Variants in VWA5B1 observed in about 807,000 individuals in gnomAD.
VWA5B1 encodes the protein von Willebrand factor A domain-containing protein 5B1.
A neutral mutation model predicts 118.2 loss-of-function variants in VWA5B1; 115 were observed. That is an observed-to-expected ratio of 0.97 (90% CI 0.84 to 1.14). The LOEUF (loss-of-function observed/expected upper bound fraction) is 1.14. Among genes scored for constraint, VWA5B1 ranks in the 50% most tolerant of loss-of-function variants. The probability of loss-of-function intolerance (pLI) is 0.00; values close to 1 mark genes in which losing one functional copy is unlikely to be tolerated. For missense variants in VWA5B1, 1,596 were observed against 1,603.8 expected (o/e 1.00, Z 0.08); for synonymous variants, 682 against 658.4 (o/e 1.04, Z -0.55).
chr1:20,327,948 G>A lies in VWA5B1; in HGVS notation c.1202G>A (p.Gly401Glu). The change falls in exon 9 of 22, where the codon GGG becomes GAG. Residue 401 changes from glycine to glutamate, a missense_variant. Transcript: ENST00000289815. ...LMPACLFNII[G>E]FGSTFKSLFP... The stretch of plus-strand genomic sequence containing the variant: ...CCAGCCTGCCTCTTCAATATCATTG[G>A]GTTTGGATCCACATTTAAGAGCCTT... 1 of 1,551,568 alleles carries A rather than the reference G, an allele frequency of 6.4e-7. No individual in the cohort carries two copies. The highest frequency in any genetic ancestry group is 8.7e-7 in the Non-Finnish European group (1 of 1,147,004).
rs558317313 is a variant in VWA5B1 at position 20,342,577 on chromosome 1, G to T, written c.2279G>T (p.Arg760Leu). 6.6e-7 allele frequency: 1 copy of T among 1,514,484 alleles called. No individual in the cohort carries two copies. Among genetic ancestry groups the T allele is most frequent in the Non-Finnish European group, 8.8e-7 (1 of 1,131,616 alleles). The allele number at this position is 1,514,484 out of a possible 1,614,324, so 93.8% of individuals were successfully genotyped here. A position where few individuals can be genotyped will look rare whatever the true frequency, so the allele number is the denominator to read the frequency against. The change falls in exon 15 of 22, where the codon CGG becomes CTG. Residue 760 changes from arginine to leucine, a missense_variant. By Grantham distance (102) the Arg-to-Leu change is moderately radical. Transcript: ENST00000289815. The part of the protein sequence containing the change: ...ETQAWSPVRE[R>L]TSDSRSPGDL... ...CAGGCCTGGAGCCCTGTGAGAGAGCGGACTTCTGACAGCCGAAGCCCTGGA... is the reference window on the plus strand; with the variant it reads ...CAGGCCTGGAGCCCTGTGAGAGAGCTGACTTCTGACAGCCGAAGCCCTGGA...
At chr1:20,350,305 A>T in intron 19 of VWA5B1, 75 bp downstream of exon 19, 1 of 1,502,418 alleles carries the variant, frequency 6.7e-7, no homozygotes, top group South Asian at 1.2e-5. Flanking sequence ...AGAGTATCTT[A>T]GCACCGACAA....
rs1205688614 is a variant in VWA5B1 at position 20,354,328 on chromosome 1, G to A, written c.*65G>A. On this transcript the variant is annotated 3_prime_UTR_variant, in exon 22 of 22. Transcript: ENST00000289815. ...GGAGAGGGATGGGCAGGGCCATGTC[G>A]GCCTGGTTTCGGGGAGCTTTTGGAG... 3.0e-5 allele frequency: 44 copies of A among 1,475,664 alleles called. No homozygotes were observed. Among genetic ancestry groups the A allele is most frequent in the South Asian group, 2.8e-5 (2 of 72,280 alleles). 91.4% of individuals were successfully genotyped at this position (1,475,664 alleles called of 1,614,324 possible).
chr1:20,332,796 C>T lies in VWA5B1; in HGVS notation c.1603C>T (p.Pro535Ser). 1 of 1,551,772 alleles carries T rather than the reference C, an allele frequency of 6.4e-7. No individual in the cohort carries two copies. Among genetic ancestry groups the T allele is most frequent in the South Asian group, 1.2e-5 (1 of 84,056 alleles). The stretch of plus-strand genomic sequence containing the variant: ...CAAATCCTTGAAGAAGGCCATGGCC[C>T]CAGTCCTGAGCGATGTGACTGTGGA... ...MVKSLKKAMAPVLSDVTVEWI... is the reference protein window; with the variant it reads ...MVKSLKKAMASVLSDVTVEWI... Residue 535 changes from proline to serine, a missense_variant, in exon 12 of 22, where the codon CCA (proline) becomes TCA (serine). Physicochemically the swap from Pro to Ser is moderately conservative, Grantham distance 74 (BLOSUM62 -1). Transcript: ENST00000289815.
rs1007989715 is a variant in VWA5B1 at position 20,350,901 on chromosome 1, G to C, written c.2998G>C (p.Ala1000Pro). Residue 1000 changes from alanine to proline, a missense_variant, in exon 20 of 22, where the codon GCC becomes CCC. Ala to Pro is a conservative substitution (Grantham distance 27, BLOSUM62 -1). Coordinates refer to ENST00000289815, the MANE Select transcript of VWA5B1 (RefSeq NM_001039500.3). ...LATNTLSSMKASENLFGSWLN... is the reference protein window; with the variant it reads ...LATNTLSSMKPSENLFGSWLN... The stretch of plus-strand genomic sequence containing the variant: ...TACAAATACTCTTTCTTCCATGAAG[G>C]CCTCAGAGAATCTCTTTGGATCCTG... 6.4e-7 allele frequency: 1 copy of C among 1,551,832 alleles called. No homozygotes were observed. Among genetic ancestry groups the C allele is most frequent in the African/African-American group, 1.4e-5 (1 of 73,036 alleles).
At chr1:20,334,232 T>C (rs764564966) in intron 12 of VWA5B1, among the ~76,000 whole-genome samples, 22 of 152,210 alleles carry the variant, frequency 1.4e-4, no homozygotes, top group Admixed American at 7.2e-4. Flanking sequence ...TAATGTGTTA[T>C]GGAAAATGGA....
At chr1:20,323,312 T>G in intron 7 of VWA5B1, 44 bp from the exon 8 acceptor site, 1 of 1,407,856 alleles carries the variant, frequency 7.1e-7, no homozygotes, top group South Asian at 1.6e-5. Flanking sequence ...CAGGAGTACC[T>G]CTTGACCCTG....
chr1:20,298,415 G>T (rs1042519080), intron 1 of VWA5B1, among the ~76,000 whole-genome samples: 5 of 152,024 alleles, frequency 3.3e-5, no homozygotes, highest in African/African-American at 1.2e-4. Flanking sequence ...ACTTTTCTAA[G>T]ATACCCCATT....
chr1:20,354,183 C>G lies in VWA5B1; in HGVS notation c.3568C>G (p.Arg1190Gly). ...RTQGTLKAAA[R>G]QLFVLLRHWD... The stretch of plus-strand genomic sequence containing the variant: ...GCAGGGCACACTCAAGGCCGCTGCC[C>G]GCCAGCTGTTTGTGCTTCTGCGGCA... The change falls in exon 22 of 22, where the codon CGC becomes GGC. Residue 1190 changes from arginine (R) to glycine (G), a missense_variant. Arg to Gly is a moderately radical substitution (Grantham distance 125). Coordinates refer to ENST00000289815, the MANE Select transcript of VWA5B1 (RefSeq NM_001039500.3). 6.4e-7 allele frequency: 1 copy of G among 1,551,256 alleles called. No individual in the cohort carries two copies. Among genetic ancestry groups the G allele is most frequent in the Non-Finnish European group, 8.7e-7 (1 of 1,146,994 alleles).
intron 14 of VWA5B1, among the ~76,000 whole-genome samples, chr1:20,340,956 T>C (rs2089860037): frequency 6.6e-6 from 1 of 152,212 alleles, no homozygotes; most frequent in Admixed American, 6.5e-5. Context: ...CAGTGCAAGG[T>C]ATTTATTTAA....
intron 14 of VWA5B1, among the ~76,000 whole-genome samples, 179 bp from the exon 15 acceptor site, chr1:20,342,253 G>A (rs1470566231): frequency 6.6e-6 from 1 of 150,902 alleles, no homozygotes. Context: ...ATGCGTCCCT[G>A]AGTACTGGAG....
At chr1:20,343,759 C>G in intron 16 of VWA5B1, among the ~76,000 whole-genome samples, 1 of 62,818 alleles carries the variant, frequency 1.6e-5, no homozygotes, top group East Asian at 4.2e-4. Flanking sequence ...AGCCCCCACC[C>G]TGTGCCTGTC....
chr1:20,313,789 G>A (rs773702552), intron 3 of VWA5B1, among the ~76,000 whole-genome samples: 11 of 152,190 alleles, frequency 7.2e-5, no homozygotes, highest in Non-Finnish European at 1.3e-4. Flanking sequence ...AGGCTAGTTA[G>A]GATCTGTCTA....
At chr1:20,332,309 G>T (rs2003650) in intron 11 of VWA5B1, among the ~76,000 whole-genome samples, 2 of 151,608 alleles carry the variant, frequency 1.3e-5, no homozygotes, top group South Asian at 4.2e-4. Context: ...GTGAAACCCC[G>T]TCTCTACTAA....
At position 20,318,581 on chromosome 1, in the gene VWA5B1, G is replaced by A. The variant is rs1279131215; in HGVS notation, c.710-9G>A. The A allele has an allele frequency of 6.4e-7, 1 of 1,551,270 alleles. No homozygotes were observed. The highest frequency in any genetic ancestry group is 8.7e-7 in the Non-Finnish European group (1 of 1,146,942). On this transcript the variant is annotated splice_polypyrimidine_tract_variant and intron_variant, in intron 5 of 21. Coordinates refer to ENST00000289815, the MANE Select transcript of VWA5B1 (RefSeq NM_001039500.3). ...GCCTATATCCCCCTTGCCTTTCTAT[G>A]CCACTCAGGGGTGGAGAGTCCCACT...
intron 2 of VWA5B1, among the ~76,000 whole-genome samples, chr1:20,311,097 C>A (rs1253834996): frequency 6.6e-6 from 1 of 152,216 alleles, no homozygotes; most frequent in Non-Finnish European, 1.5e-5. Context: ...CTCAGCCTCC[C>A]AAGTAGCTGG....
rs969369079 is a variant in VWA5B1, at chr1:20,354,147, G to A, written c.3532G>A (p.Glu1178Lys). 33 of 1,551,240 alleles carry A rather than the reference G, an allele frequency of 2.1e-5. No homozygotes were observed. Among genetic ancestry groups the A allele is most frequent in the Admixed American group, 1.6e-4 (8 of 50,996 alleles). ...ATGGCTGGAGCAGCAGGAAGTACCC[G>A]AGGGCCGCACGCAGGGCACACTCAA... is the stretch of plus-strand genomic sequence containing the variant. ...NSWLEQQEVP[E>K]GRTQGTLKAA... The change falls in exon 22 of 22, where the codon GAG (glutamate) becomes AAG (lysine). Residue 1178 changes from glutamate (E) to lysine (K), a missense_variant. By Grantham distance (56) the Glu-to-Lys change is moderately conservative. Coordinates refer to ENST00000289815, the MANE Select transcript of VWA5B1 (RefSeq NM_001039500.3).
chr1:20,328,116 C>A, intron 9 of VWA5B1, 116 bp downstream of exon 9: 1 of 937,662 alleles, frequency 1.1e-6, no homozygotes, highest in Non-Finnish European at 1.7e-6. Flanking sequence ...AGCTGCCTAC[C>A]CACAGAGAAC....
At chr1:20,304,835 T>C (rs555722162) in intron 1 of VWA5B1, among the ~76,000 whole-genome samples, 1 of 152,308 alleles carries the variant, frequency 6.6e-6, no homozygotes, top group African/African-American at 2.4e-5. Flanking sequence ...TTACTGGCTG[T>C]GTGGCCATGG....
Sources: allele counts gnomAD v4.1 joint callset (sites outside exome capture counted in the v4.1 genomes callset), GRCh38; gene constraint gnomAD v4.1.1; transcripts MANE v1.5; gene names NCBI Gene and HGNC (gene_info 2026-07-23, HGNC 2026-07-21).